HOOK3: variants seen among roughly 807,000 people sequenced by gnomAD.
HOOK3 encodes hook microtubule tethering protein 3.
Under a neutral mutation model 116.3 loss-of-function variants are expected in HOOK3, and 24 were observed. That is an observed-to-expected ratio of 0.21 (90% CI 0.15 to 0.29). HOOK3 has a LOEUF of 0.29. Ranked by LOEUF, HOOK3 falls within the 10% of genes least tolerant of loss-of-function variation. HOOK3 has a pLI of 1.00. For missense variants in HOOK3, 632 were observed against 830.2 expected (o/e 0.76, Z 2.93); for synonymous variants, 275 against 283.0 (o/e 0.97, Z 0.28).
At position 43,024,941 on chromosome 8, in the gene HOOK3, T is replaced by G. The variant is rs1016546662; in HGVS notation, c.*6443T>G. 1 of 205,428 alleles carries G rather than the reference T, an allele frequency of 4.9e-6. No homozygotes were observed. The highest frequency in any genetic ancestry group is 2.3e-5 in the African/African-American group (1 of 43,796). The allele number at this position is 205,428 out of a possible 1,614,324, so 12.7% of individuals were successfully genotyped here. On this transcript the variant is annotated 3_prime_UTR_variant, in exon 22 of 22. Coordinates refer to ENST00000307602, the MANE Select transcript of HOOK3 (RefSeq NM_032410.4). The stretch of plus-strand genomic sequence containing the variant: ...TCACTGATGATTTTCTGGGGAAGTA[T>G]ATATAGATGATTTTATTTTTTAAAT...
chr8:42,932,910 T>A (rs1356096671), intron 4 of HOOK3, among the ~76,000 whole-genome samples: 4 of 152,242 alleles, frequency 2.6e-5, no homozygotes, highest in African/African-American at 4.8e-5. Context: ...CTTTTCCTTC[T>A]TACTGCCTAC....
chr8:43,010,224 A>G, intron 18 of HOOK3, 81 bp from the exon 19 acceptor site: 1 of 259,334 alleles, frequency 3.9e-6, no homozygotes, highest in Non-Finnish European at 6.9e-6. Context: ...AAATTGTGGT[A>G]ATCTAAAATA....
intron 4 of HOOK3, 152 bp downstream of exon 4, chr8:42,930,324 A>G (rs1807850260): frequency 1.6e-6 from 1 of 618,502 alleles, no homozygotes; most frequent in Non-Finnish European, 2.5e-6. Context: ...GGTTCAACCA[A>G]CCATCTGTCA....
At position 42,915,324 on chromosome 8, in the gene HOOK3, T is replaced by C. The variant is rs186911332; in HGVS notation, c.143+9066T>C. ...ACTGAGTCTCAAAGTCGGATTGTGT[T>C]ACGGCACTCCAGGCTGAGCAACAGA... On this transcript the variant is annotated intron_variant, in intron 2 of 21. Transcript: ENST00000307602. 7.9e-3 allele frequency among the ~76,000 whole-genome samples: 1,204 copies of C among 151,734 alleles called. 23 individuals are homozygous for C. The highest frequency in any genetic ancestry group is 0.028 in the African/African-American group (1,144 of 41,066).
chr8:42,939,250 G>A (rs1053819078), intron 4 of HOOK3, among the ~76,000 whole-genome samples: 4 of 152,188 alleles, frequency 2.6e-5, no homozygotes, highest in African/African-American at 9.6e-5. Flanking sequence ...CCCAGACGGG[G>A]TGGTGGCCGG....
rs539195739 is a variant in HOOK3, at chr8:42,929,731, T to C, written c.217-391T>C. On this transcript the variant is annotated intron_variant, in intron 3 of 21. Coordinates refer to ENST00000307602, the MANE Select transcript of HOOK3 (RefSeq NM_032410.4). ...CTAATACTCTCTTTAGAACTTAATT[T>C]CTATATAGATGCAGTTTGACTTTTC... Among the ~76,000 whole-genome samples the C allele has an allele frequency of 4.6e-5, 7 of 152,262 alleles. No individual in the cohort carries two copies. In the East Asian group the frequency reaches 1.4e-3, roughly 29 times the overall value.
At chr8:42,984,718 A>G (rs1278630702) in intron 14 of HOOK3, among the ~76,000 whole-genome samples, 4 of 152,156 alleles carry the variant, frequency 2.6e-5, no homozygotes, top group African/African-American at 7.2e-5. Flanking sequence ...CCTGGCCAAC[A>G]TGGCAAAACC....
At chr8:42,909,974 A>G (rs1036274951) in intron 2 of HOOK3, among the ~76,000 whole-genome samples, 2 of 152,190 alleles carry the variant, frequency 1.3e-5, no homozygotes, top group African/African-American at 4.8e-5. Flanking sequence ...AGAGGGCATG[A>G]AGTTTCTGTT....
At chr8:42,975,476 A>C (rs1176139102) in intron 13 of HOOK3, among the ~76,000 whole-genome samples, 3 of 152,132 alleles carry the variant, frequency 2.0e-5, no homozygotes. Flanking sequence ...TATAATTGAA[A>C]CGTGTGCAAG....
In HOOK3 at chr8:43,028,710, T is replaced by C. The variant is rs562215074; in HGVS notation, c.*10212T>C. The C allele has an allele frequency of 4.1e-5, 8 of 196,744 alleles. No individual in the cohort carries two copies. In the East Asian group the frequency reaches 5.6e-4, roughly 14 times the overall value. 12.2% of individuals were successfully genotyped at this position (196,744 alleles called of 1,614,324 possible). On this transcript the variant is annotated 3_prime_UTR_variant, in exon 22 of 22. Coordinates refer to ENST00000307602, the MANE Select transcript of HOOK3 (RefSeq NM_032410.4). Reference sequence around the variant, plus strand: ...ATATGTATTAATTTACTTGGCCTGCTACTAAAGTGCTTAACATAACTAAAT... The same window carrying C: ...ATATGTATTAATTTACTTGGCCTGCCACTAAAGTGCTTAACATAACTAAAT...
chr8:42,951,719 G>C (rs1239453184), intron 6 of HOOK3, among the ~76,000 whole-genome samples: 3 of 152,082 alleles, frequency 2.0e-5, no homozygotes, highest in Non-Finnish European at 4.4e-5. Flanking sequence ...GAGGCAGGCG[G>C]ATCACGAGGT....
chr8:43,001,548 CT>C (rs538098287), intron 16 of HOOK3, among the ~76,000 whole-genome samples: 278 of 141,772 alleles, frequency 2.0e-3, no homozygotes, highest in Non-Finnish European at 2.0e-3. Context: ...TTTCAGGAGA[CT>C]TTTTTTTTTT....
At chr8:42,909,145 G>A (rs1305597399) in intron 2 of HOOK3, among the ~76,000 whole-genome samples, 1 of 152,186 alleles carries the variant, frequency 6.6e-6, no homozygotes, top group African/African-American at 2.4e-5. Context: ...TTATCAAAAA[G>A]ATGAAAGATA....
In HOOK3 at chr8:42,966,585, T is replaced by G. The variant is rs1267017084; in HGVS notation, c.892T>G (p.Ser298Ala). The part of the protein sequence containing the change: ...ELTTLADEAQ[S>A]LKDEIDVLRH... The stretch of plus-strand genomic sequence containing the variant: ...GACCACTTTGGCAGATGAAGCTCAG[T>G]CTCTGAAAGATGAGATCGACGTGCT... The change falls in exon 10 of 22, where the codon TCT becomes GCT. Residue 298 changes from serine (S) to alanine (A), a missense_variant. Ser to Ala is a moderately conservative substitution (Grantham distance 99). Transcript: ENST00000307602. 3 of 1,614,098 alleles carry G rather than the reference T, an allele frequency of 1.9e-6. No homozygotes were observed. The highest frequency in any genetic ancestry group is 2.5e-6 in the Non-Finnish European group (3 of 1,179,988).
At chr8:42,948,694 CTG>C (rs1808282512) in intron 5 of HOOK3, among the ~76,000 whole-genome samples, 1 of 152,180 alleles carries the variant, frequency 6.6e-6, no homozygotes, top group Admixed American at 6.6e-5. Context: ...CCTTTGAATT[CTG>C]TGTTTGATAC....
At chr8:43,014,016 T>G (rs1269413080) in intron 21 of HOOK3, among the ~76,000 whole-genome samples, 1 of 152,100 alleles carries the variant, frequency 6.6e-6, no homozygotes, top group East Asian at 1.9e-4. Flanking sequence ...TGGCCAGGCG[T>G]GATGGCTCAC....
chr8:42,974,168 C>G lies in HOOK3; in HGVS notation c.1295C>G (p.Ala432Gly). 6.2e-7 allele frequency: 1 copy of G among 1,613,710 alleles called. No homozygotes were observed. The highest frequency in any genetic ancestry group is 8.5e-7 in the Non-Finnish European group (1 of 1,179,662). ...ETIEELRCVQ[A>G]QEGQLTTQGL... Reference sequence around the variant, plus strand: ...ATTGAAGAGCTTCGTTGTGTACAAGCTCAAGAAGGGCAGCTCACAACACAA... The same window carrying G: ...ATTGAAGAGCTTCGTTGTGTACAAGGTCAAGAAGGGCAGCTCACAACACAA... The change falls in exon 13 of 22, where the codon GCT (alanine) becomes GGT (glycine). Residue 432 changes from alanine to glycine, a missense_variant. Physicochemically the swap from Ala to Gly is moderately conservative, Grantham distance 60 (BLOSUM62 0). Coordinates refer to ENST00000307602, the MANE Select transcript of HOOK3 (RefSeq NM_032410.4).
chr8:43,019,202 A>G lies in HOOK3; in HGVS notation c.*704A>G. The G allele has an allele frequency of 4.7e-6, 1 of 212,608 alleles. No homozygotes were observed. 13.2% of individuals were successfully genotyped at this position (212,608 alleles called of 1,614,324 possible). On this transcript the variant is annotated 3_prime_UTR_variant, in exon 22 of 22. Transcript: ENST00000307602. ...TCCTGCTATCTTGTTTGCTGGCAGA[A>G]GTGAATGTTTGGTGAGGTTATTTTG...
intron 11 of HOOK3, among the ~76,000 whole-genome samples, chr8:42,969,588 G>T (rs931653060): frequency 8.5e-5 from 13 of 152,208 alleles, no homozygotes; most frequent in Admixed American, 3.3e-4. Flanking sequence ...TTGCACCACT[G>T]CATTCCAGCT....
Sources: gnomAD v4.1 joint callset for allele counts (sites outside exome capture counted in the v4.1 genomes callset) on GRCh38, gnomAD v4.1.1 for gene constraint, MANE v1.5 for transcripts, NCBI Gene and HGNC (gene_info 2026-07-23, HGNC 2026-07-21) for gene names.